The following CP variants were observed in gnomAD, a reference collection of about 807,000 sequenced individuals.
CP encodes caeruloplasmin.
A neutral mutation model predicts 122.4 loss-of-function variants in CP; 64 were observed. The observed-to-expected ratio is 0.52, with a 90% confidence interval of 0.43 to 0.64. CP has a LOEUF of 0.64. Ranked by LOEUF, CP falls within the 30% of genes least tolerant of loss-of-function variation. The pLI is 0.00. For synonymous variants in CP, 440 were observed against 436.4 expected (o/e 1.01, Z -0.10); for missense variants, 1,167 against 1,284.4 (o/e 0.91, Z 1.40).
intron 14 of CP, among the ~76,000 whole-genome samples, chr3:149,181,772 T>G (rs969187447): frequency 1.3e-5 from 2 of 152,190 alleles, no homozygotes; most frequent in East Asian, 3.8e-4. Flanking sequence ...GCTTGAGGAT[T>G]CATAGATGTC....
intron 1 of CP, among the ~76,000 whole-genome samples, chr3:149,218,266 T>C (rs781434680): frequency 2.2e-4 from 34 of 152,164 alleles, no homozygotes; most frequent in Admixed American, 7.2e-4. Context: ...CACTATTGTG[T>C]TTACTAATTG....
At position 149,205,090 on chromosome 3, in the gene CP, A is replaced by G. The variant is rs539484190; in HGVS notation, c.1208+1078T>C. Among the ~76,000 whole-genome samples, 89 of 152,152 alleles carry G rather than the reference A, an allele frequency of 5.8e-4. No homozygotes were observed. In the South Asian group the frequency reaches 0.018, roughly 31 times the overall value. On this transcript the variant is annotated intron_variant, in intron 6 of 18. Coordinates refer to ENST00000264613, the MANE Select transcript of CP (RefSeq NM_000096.4). ...CTGAAGAAGATACACAAATGACCAA[A>G]AAGTACATGAAAAGATCCTCAACAT...
chr3:149,220,954 C>T (rs1047683710), intron 1 of CP, among the ~76,000 whole-genome samples: 1 of 152,094 alleles, frequency 6.6e-6, no homozygotes, highest in African/African-American at 2.4e-5. Flanking sequence ...GTGAATATTG[C>T]TTTCAATAAG....
intron 7 of CP, 52 bp downstream of exon 7, chr3:149,202,050 A>T: frequency 6.2e-7 from 1 of 1,611,626 alleles, no homozygotes; most frequent in Non-Finnish European, 8.5e-7. Context: ...TCTGAGGTTG[A>T]TGTAGCCCAT....
At chr3:149,216,017 T>C (rs1728436634) in intron 1 of CP, among the ~76,000 whole-genome samples, 1 of 152,212 alleles carries the variant, frequency 6.6e-6, no homozygotes, top group Non-Finnish European at 1.5e-5. Context: ...TCCCATAAAT[T>C]TAGAATTCAC....
intron 16 of CP, 35 bp downstream of exon 16, chr3:149,178,380 A>G (rs1559935294): frequency 6.9e-7 from 1 of 1,439,570 alleles, no homozygotes; most frequent in African/African-American, 1.4e-5. Flanking sequence ...AATGATAAAA[A>G]AGTAGAAAAA....
intron 1 of CP, 125 bp from the exon 2 acceptor site, chr3:149,212,823 T>G (rs970824958): frequency 2.6e-5 from 31 of 1,198,570 alleles, no homozygotes; most frequent in African/African-American, 1.5e-4. Context: ...GTTTGCCTGT[T>G]GTAGGGATGC....
At position 149,203,370 on chromosome 3, in the gene CP, T is replaced by C. The variant is rs184005097; in HGVS notation, c.1209-1129A>G. On this transcript the variant is annotated intron_variant, in intron 6 of 18. Coordinates refer to ENST00000264613, the MANE Select transcript of CP (RefSeq NM_000096.4). ...ACTCTGCCTCTCTGGTTCAAGTGAT[T>C]CTCATACCTCAGCCTCCTGAATAAC... is the stretch of plus-strand genomic sequence containing the variant. 7.2e-5 allele frequency among the ~76,000 whole-genome samples: 11 copies of C among 152,268 alleles called. No individual in the cohort carries two copies. In the East Asian group the frequency reaches 2.1e-3, roughly 29 times the overall value.
Position 149,199,901 on chromosome 3 carries a change from A to G in CP, c.1349-37T>C. The G allele has an allele frequency of 1.2e-6, 2 of 1,602,916 alleles. 1 individual carries two copies. Among genetic ancestry groups the G allele is most frequent in the South Asian group, 2.2e-5 (2 of 90,830 alleles). On this transcript the variant is annotated intron_variant, in intron 7 of 18. Coordinates refer to ENST00000264613, the MANE Select transcript of CP (RefSeq NM_000096.4). The stretch of plus-strand genomic sequence containing the variant: ...GAGAGAATTATTATCCTTCCTTGGT[A>G]TGTAACATGCAGAATGTATAAGATA...
intron 4 of CP, chr3:149,166,945 A>G: frequency 1.0e-6 from 1 of 988,510 alleles, no homozygotes; most frequent in Non-Finnish European, 1.6e-6. Context: ...TTGGCAAGTG[A>G]GGTTTAGTCT....
chr3:149,179,436 A>G, intron 15 of CP, 120 bp downstream of exon 15: 3 of 789,198 alleles, frequency 3.8e-6, no homozygotes, highest in Non-Finnish European at 6.5e-6. Flanking sequence ...TAGATTGCAA[A>G]CAGTTTATTT....
rs73166836 is a variant in CP at position 149,214,498 on chromosome 3, G to T, written c.147-1800C>A. Among the ~76,000 whole-genome samples the T allele has an allele frequency of 6.0e-3, 920 of 152,230 alleles. 5 individuals are homozygous for T. The highest frequency in any genetic ancestry group is 9.1e-3 in the Non-Finnish European group (617 of 68,010). ...TATTCACTAAAAAAATGACTGAGAT[G>T]ATGTTTCCCTGTCCATCCCCTGTCC... On this transcript the variant is annotated intron_variant, in intron 1 of 18. Coordinates refer to ENST00000264613, the MANE Select transcript of CP (RefSeq NM_000096.4).
chr3:149,180,774 TATTCTC>T lies in CP; in HGVS notation c.2555-1118_2555-1113del, dbSNP rs1281526661. ...CTGTCTGGCCATCTCTGCTTTTACT[TATTCTC>T]ATAAGCTGCAAAATAACATTTTCTT... On this transcript the variant is annotated intron_variant, in intron 14 of 18. Transcript: ENST00000264613. 3.3e-5 allele frequency among the ~76,000 whole-genome samples: 5 copies of T among 152,184 alleles called. No individual in the cohort carries two copies. In the East Asian group the frequency reaches 5.8e-4, roughly 18 times the overall value.
downstream of CP, among the ~76,000 whole-genome samples, chr3:149,169,791 T>A (rs1368163606): frequency 1.3e-5 from 2 of 152,236 alleles, no homozygotes; most frequent in Non-Finnish European, 2.9e-5. Context: ...ACCAGGCTTA[T>A]TTTTTAAAAT....
In CP at chr3:149,202,106, G is replaced by C; in HGVS notation, c.1344C>G (p.Ile448Met). The C allele has an allele frequency of 6.2e-7, 1 of 1,614,010 alleles. No homozygotes were observed. Among genetic ancestry groups the C allele is most frequent in the South Asian group, 1.1e-5 (1 of 91,070 alleles). Reference sequence around the variant, plus strand: ...ATATATTCTGCAAGAACTCACCCAGGATGCCAAGATGCTCTTCTTCAGGGC... The same window carrying C: ...ATATATTCTGCAAGAACTCACCCAGCATGCCAAGATGCTCTTCTTCAGGGC... ...ERGPEEEHLG[I>M]LGPVIWAEVG... The change falls in exon 7 of 19, where the codon ATC becomes ATG. Residue 448 changes from isoleucine to methionine, a missense_variant. Ile to Met is a conservative substitution (Grantham distance 10, BLOSUM62 1). Coordinates refer to ENST00000264613, the MANE Select transcript of CP (RefSeq NM_000096.4).
intron 12 of CP, among the ~76,000 whole-genome samples, chr3:149,184,535 C>T (rs1203649165): frequency 5.9e-5 from 9 of 152,136 alleles, no homozygotes; most frequent in African/African-American, 2.2e-4. Context: ...AGATCATCTC[C>T]ATGTGGTCAG....
Position 149,197,155 on chromosome 3 carries a change from G to A in CP, c.1713+1212C>T, listed in dbSNP as rs559543747. ...AACGGCCCCACACTTATCTCCCTTC[G>A]CTGACTCTCTTTTCGGACTCAGCCC... is the stretch of plus-strand genomic sequence containing the variant. On this transcript the variant is annotated intron_variant, in intron 9 of 18. Transcript: ENST00000264613. Among the ~76,000 whole-genome samples the A allele has an allele frequency of 2.5e-4, 38 of 151,810 alleles. No homozygotes were observed. In the South Asian group the frequency reaches 7.1e-3, roughly 28 times the overall value.
chr3:149,183,533 C>T lies in CP; in HGVS notation c.2358G>A (p.Gln786=). ...GSKYKKVVYR[Q]YTDSTFRVPV... Reference sequence around the variant, plus strand: ...GAACACGGAATGTGCTATCAGTATACTGCCGATACACAACTTTCTTGTACT... The same window carrying T: ...GAACACGGAATGTGCTATCAGTATATTGCCGATACACAACTTTCTTGTACT... The change falls in exon 13 of 19, where the codon CAG becomes CAA. Residue 786 remains glutamine (Q), a synonymous_variant. Transcript: ENST00000264613. 6.2e-7 allele frequency: 1 copy of T among 1,611,140 alleles called. No individual in the cohort carries two copies. Among genetic ancestry groups the T allele is most frequent in the Non-Finnish European group, 8.5e-7 (1 of 1,178,876 alleles).
intron 2 of CP, 132 bp downstream of exon 2, chr3:149,212,319 T>TAAA: frequency 1.1e-6 from 1 of 886,980 alleles, no homozygotes; most frequent in Non-Finnish European, 1.6e-6. Flanking sequence ...TAAAAAAAAA[T>TAAA]AAAAAAAAAA....
Sources: allele counts gnomAD v4.1 joint callset (sites outside exome capture counted in the v4.1 genomes callset), GRCh38; gene constraint gnomAD v4.1.1; transcripts MANE v1.5; gene names NCBI Gene and HGNC (gene_info 2026-07-23, HGNC 2026-07-21).